CNTNAP2: variants seen among roughly 807,000 people sequenced by gnomAD.
CNTNAP2 encodes contactin associated protein 2.
CNTNAP2 carries 98 observed loss-of-function variants against 155.2 expected under a neutral mutation model. The observed-to-expected ratio is 0.63, with a 90% confidence interval of 0.54 to 0.75. CNTNAP2 has a LOEUF of 0.75. CNTNAP2 is among the 30% of genes least tolerant of loss of function. The pLI, the probability that CNTNAP2 is intolerant of heterozygous loss-of-function variation, is 0.00. For synonymous variants in CNTNAP2, 651 were observed against 631.2 expected (o/e 1.03, Z -0.47); for missense variants, 1,727 against 1,688.1 (o/e 1.02, Z -0.40).
In CNTNAP2 at chr7:147,721,887, G is replaced by A. The variant is rs116293343; in HGVS notation, c.2098+82581G>A. On this transcript the variant is annotated intron_variant, in intron 13 of 23. Coordinates refer to ENST00000361727, the MANE Select transcript of CNTNAP2 (RefSeq NM_014141.6). ...AAGCATCAGTCAAGTTCTGAAACAC[G>A]GACTTCTAACTTCATAGGCAATTGT... is the stretch of plus-strand genomic sequence containing the variant. Among the ~76,000 whole-genome samples the A allele has an allele frequency of 4.2e-3, 632 of 152,136 alleles. 1 individual carries two copies. The highest frequency in any genetic ancestry group is 0.014 in the African/African-American group (571 of 41,526).
At chr7:146,701,834 G>T (rs1402960070) in intron 1 of CNTNAP2, among the ~76,000 whole-genome samples, 1 of 152,136 alleles carries the variant, frequency 6.6e-6, no homozygotes, top group Non-Finnish European at 1.5e-5. Flanking sequence ...AAAAGAGACA[G>T]TCTTTCATAT....
intron 1 of CNTNAP2, among the ~76,000 whole-genome samples, chr7:146,584,040 A>T (rs1798651007): frequency 6.6e-6 from 1 of 152,206 alleles, no homozygotes; most frequent in Admixed American, 6.5e-5. Flanking sequence ...CATTAGGCCT[A>T]GCAGCCCAAG....
At chr7:146,998,639 G>T (rs563788935) in intron 3 of CNTNAP2, among the ~76,000 whole-genome samples, 2 of 151,958 alleles carry the variant, frequency 1.3e-5, no homozygotes, top group East Asian at 3.9e-4. Flanking sequence ...TGATGAAGTC[G>T]CTTACTCTTA....
At chr7:146,137,149 C>G (rs1362951979) in intron 1 of CNTNAP2, among the ~76,000 whole-genome samples, 1 of 152,024 alleles carries the variant, frequency 6.6e-6, no homozygotes, top group Non-Finnish European at 1.5e-5. Flanking sequence ...TTTGTCAAGT[C>G]TCATAAAAAC....
chr7:146,839,935 G>T (rs1176537120), intron 3 of CNTNAP2, 31 bp downstream of exon 3: 2 of 1,609,528 alleles, frequency 1.2e-6, no homozygotes, highest in South Asian at 1.1e-5. Flanking sequence ...CAAAGACACA[G>T]AATTGGATTG....
chr7:148,416,168 T>TTTTTAAGCAGAGCTCAATC lies in CNTNAP2; in HGVS notation c.*554_*572dup, dbSNP rs1364033606. The TTTTTAAGCAGAGCTCAATC allele has an allele frequency of 6.4e-6, 1 of 157,016 alleles. No homozygotes were observed. The highest frequency in any genetic ancestry group is 2.4e-5 in the African/African-American group (1 of 41,450). 9.7% of individuals were successfully genotyped at this position (157,016 alleles called of 1,614,324 possible). A position where few individuals can be genotyped will look rare whatever the true frequency, so the allele number is the denominator to read the frequency against. On this transcript the variant is annotated 3_prime_UTR_variant, in exon 24 of 24. Transcript: ENST00000361727. The stretch of plus-strand genomic sequence containing the variant: ...GCAAAGAGAACCTATTATTTGCCAG[T>TTTTTAAGCAGAGCTCAATC]TTTTAAGCAGAGCTCAATCTATGCC...
chr7:146,122,271 G>C (rs536953182), intron 1 of CNTNAP2, among the ~76,000 whole-genome samples: 89 of 152,324 alleles, frequency 5.8e-4, no homozygotes, highest in African/African-American at 2.0e-3. Flanking sequence ...TGCACTAATA[G>C]TGATAGCGCG....
rs1244071270 is a variant in CNTNAP2, at chr7:146,251,622, A to G, written c.97+134649A>G. Among the ~76,000 whole-genome samples, 3 of 152,226 alleles carry G rather than the reference A, an allele frequency of 2.0e-5. No homozygotes were observed. The East Asian group carries it at 5.8e-4, about 29-fold the overall frequency. On this transcript the variant is annotated intron_variant, in intron 1 of 23. Coordinates refer to ENST00000361727, the MANE Select transcript of CNTNAP2 (RefSeq NM_014141.6). ...GATGCTAATTTTAATTAAATTTATT[A>G]TTTCAACTTTGAAAAATGGGGTAGG... is the stretch of plus-strand genomic sequence containing the variant.
At chr7:148,167,617 C>G (rs1557965) in intron 17 of CNTNAP2, among the ~76,000 whole-genome samples, 50,590 of 152,034 alleles carry the variant, frequency 0.33, 8,786 homozygotes, top group African/African-American at 0.44. Flanking sequence ...GAGGGAGAGC[C>G]TGTGAACCGT....
At chr7:146,814,673 A>G (rs1039150232) in intron 2 of CNTNAP2, among the ~76,000 whole-genome samples, 3 of 152,168 alleles carry the variant, frequency 2.0e-5, no homozygotes, top group African/African-American at 7.2e-5. Flanking sequence ...AAAACCCAGT[A>G]AGTTAAGTTG....
intron 21 of CNTNAP2, among the ~76,000 whole-genome samples, chr7:148,268,516 G>C (rs977230562): frequency 6.6e-6 from 1 of 152,018 alleles, no homozygotes; most frequent in African/African-American, 2.4e-5. Flanking sequence ...TTAGACGGGC[G>C]TGGTGGTGGG....
At chr7:147,584,444 C>A (rs1462052656) in intron 12 of CNTNAP2, among the ~76,000 whole-genome samples, 2 of 152,104 alleles carry the variant, frequency 1.3e-5, no homozygotes, top group African/African-American at 4.8e-5. Flanking sequence ...AAAGTCATTT[C>A]CTTATTCTGA....
intron 3 of CNTNAP2, among the ~76,000 whole-genome samples, chr7:146,899,417 T>C (rs1274200371): frequency 6.6e-6 from 1 of 152,174 alleles, no homozygotes; most frequent in Non-Finnish European, 1.5e-5. Context: ...CCTCTTCTTA[T>C]TCTAGAAATA....
intron 13 of CNTNAP2, among the ~76,000 whole-genome samples, chr7:147,873,072 T>C (rs969640673): frequency 6.6e-6 from 1 of 152,230 alleles, no homozygotes; most frequent in African/African-American, 2.4e-5. Flanking sequence ...ATTGTACTTA[T>C]ACATAATAAA....
chr7:146,582,027 G>T (rs1388186146), intron 1 of CNTNAP2, among the ~76,000 whole-genome samples: 1 of 152,014 alleles, frequency 6.6e-6, no homozygotes, highest in African/African-American at 2.4e-5. Flanking sequence ...AGAGTGATCT[G>T]GCAATAAGAA....
At chr7:147,603,104 A>T (rs1426936549) in intron 12 of CNTNAP2, among the ~76,000 whole-genome samples, 1 of 151,442 alleles carries the variant, frequency 6.6e-6, no homozygotes, top group African/African-American at 2.4e-5. Context: ...TCCCACCAAC[A>T]GTGTAAAAGT....
intron 12 of CNTNAP2, among the ~76,000 whole-genome samples, chr7:147,609,650 G>A (rs1454933125): frequency 6.6e-6 from 1 of 152,044 alleles, no homozygotes; most frequent in Non-Finnish European, 1.5e-5. Context: ...AAAAAATAGA[G>A]GTGATGTAGG....
At chr7:146,564,518 A>G (rs1798327553) in intron 1 of CNTNAP2, among the ~76,000 whole-genome samples, 1 of 149,042 alleles carries the variant, frequency 6.7e-6, no homozygotes, top group Non-Finnish European at 1.5e-5. Context: ...TGTATATTAT[A>G]TAACAAATAT....
intron 1 of CNTNAP2, among the ~76,000 whole-genome samples, chr7:146,246,862 G>A (rs969117022): frequency 9.2e-5 from 14 of 152,202 alleles, no homozygotes; most frequent in Middle Eastern, 3.2e-3. Flanking sequence ...TGGGGGAGGA[G>A]GTTCTGGAGG....
Sources: gnomAD v4.1 joint callset for allele counts (sites outside exome capture counted in the v4.1 genomes callset) on GRCh38, gnomAD v4.1.1 for gene constraint, MANE v1.5 for transcripts, NCBI Gene and HGNC (gene_info 2026-07-23, HGNC 2026-07-21) for gene names.